MAD1L1: variants seen among roughly 807,000 people sequenced by gnomAD.
MAD1L1 encodes the protein mitotic arrest deficient 1 like 1.
A neutral mutation model predicts 96.9 loss-of-function variants in MAD1L1; 95 were observed. The observed-to-expected ratio is 0.98, with a 90% CI of 0.83 to 1.16. The LOEUF is 1.16. Ranked by LOEUF, MAD1L1 falls within the 50% of genes most tolerant of loss-of-function variation. The pLI is 0.00. For missense variants in MAD1L1, 1,007 were observed against 954.4 expected, an observed-to-expected ratio of 1.06 and a Z score of -0.73; for synonymous variants, 473 against 396.6, an observed-to-expected ratio of 1.19 and a Z score of -2.29.
At chr7:1,992,454 G>A (rs998692372) in intron 14 of MAD1L1, among the ~76,000 whole-genome samples, 3 of 152,174 alleles carry the variant, frequency 2.0e-5, no homozygotes, top group Non-Finnish European at 4.4e-5. Flanking sequence ...TGCAAGTAAC[G>A]GAAATGTGTA....
At chr7:1,947,751 G>A (rs552818209) in intron 16 of MAD1L1, among the ~76,000 whole-genome samples, 10 of 152,360 alleles carry the variant, frequency 6.6e-5, no homozygotes, top group East Asian at 3.9e-4. Context: ...AAGCCCAGGC[G>A]AGGGTCACAC....
At chr7:1,929,663 G>A (rs1445763499) in intron 17 of MAD1L1, among the ~76,000 whole-genome samples, 2 of 151,700 alleles carry the variant, frequency 1.3e-5, no homozygotes, top group South Asian at 2.1e-4. Context: ...TGGGGAAGCC[G>A]TGGCAAACAC....
chr7:2,140,368 C>T (rs890148808), intron 11 of MAD1L1, among the ~76,000 whole-genome samples: 8 of 152,336 alleles, frequency 5.3e-5, no homozygotes, highest in African/African-American at 1.7e-4. Flanking sequence ...TGAAGGGTGC[C>T]GGTGCCACCC....
chr7:1,832,723 C>T (rs1440754541), intron 18 of MAD1L1, among the ~76,000 whole-genome samples: 5 of 98,586 alleles, frequency 5.1e-5, no homozygotes, highest in African/African-American at 1.9e-4. Flanking sequence ...CCTCCACCTC[C>T]CAGGTTCAAG....
chr7:2,139,371 C>T (rs1034039417), intron 11 of MAD1L1, among the ~76,000 whole-genome samples: 6 of 151,944 alleles, frequency 3.9e-5, no homozygotes, highest in East Asian at 3.9e-4. Flanking sequence ...AAGGCGGGAG[C>T]GCTGCGGGCC....
intron 10 of MAD1L1, among the ~76,000 whole-genome samples, chr7:2,161,663 C>T (rs10252861): frequency 0.15 from 22,363 of 151,118 alleles, 1,812 homozygotes; most frequent in Middle Eastern, 0.29. Flanking sequence ...AAGTGAGGAG[C>T]GTCTCTGCCC....
rs556038778 is a variant in MAD1L1, at chr7:2,095,485, G to A, written c.1074-26147C>T. On this transcript the variant is annotated intron_variant, in intron 11 of 18. Coordinates refer to ENST00000265854, the MANE Select transcript of MAD1L1 (RefSeq NM_001013836.2). ...TGCAAAGCAGCCTGAGTGGGTTAGC[G>A]CGGCTCCCAGGCTGCAAACGGAGAT... 2.6e-4 allele frequency among the ~76,000 whole-genome samples: 40 copies of A among 152,338 alleles called. No individual in the cohort carries two copies. The South Asian group carries it at 3.1e-3, about 12-fold the overall frequency.
intron 14 of MAD1L1, among the ~76,000 whole-genome samples, chr7:1,989,845 GC>G (rs1247639339): frequency 1.3e-5 from 2 of 152,196 alleles, no homozygotes; most frequent in African/African-American, 4.8e-5. Context: ...TGGAGTACAG[GC>G]CTGGCCTACC....
intron 11 of MAD1L1, among the ~76,000 whole-genome samples, chr7:2,099,408 CCTT>C (rs1786665020): frequency 6.6e-6 from 1 of 152,236 alleles, no homozygotes; most frequent in Admixed American, 6.5e-5. Context: ...TCTCTCGCTG[CCTT>C]CTTTTGTGCA....
At position 2,142,176 on chromosome 7, in the gene MAD1L1, A is replaced by G. The variant is rs1312982500; in HGVS notation, c.1073+6976T>C. On this transcript the variant is annotated intron_variant, in intron 11 of 18. Transcript: ENST00000265854. This position sits in a 1 kb window ranked among gnomAD's most constrained non-coding sequence, Gnocchi z 4.7. Reference sequence around the variant, plus strand: ...CAGACAGACAACTGACTCACGAGAGAGACGGCTTTTCAAAGGGCCCACACT... The same window carrying G: ...CAGACAGACAACTGACTCACGAGAGGGACGGCTTTTCAAAGGGCCCACACT... Among the ~76,000 whole-genome samples, 5 of 152,180 alleles carry G rather than the reference A, an allele frequency of 3.3e-5. No homozygotes were observed. Among genetic ancestry groups the G allele is most frequent in the Non-Finnish European group, 2.9e-5 (2 of 68,018 alleles).
chr7:2,133,336 C>T (rs1298944105), intron 11 of MAD1L1, among the ~76,000 whole-genome samples: 2 of 152,140 alleles, frequency 1.3e-5, no homozygotes, highest in South Asian at 4.1e-4. Flanking sequence ...CTCCGTCACC[C>T]GCGTGTCTGC....
At chr7:1,817,759 C>G (rs1781897550) in intron 18 of MAD1L1, among the ~76,000 whole-genome samples, 1 of 152,056 alleles carries the variant, frequency 6.6e-6, no homozygotes, top group Non-Finnish European at 1.5e-5. Context: ...GCTCCCTCCG[C>G]CCGGCAGCCC....
intron 15 of MAD1L1, among the ~76,000 whole-genome samples, chr7:1,976,604 G>A (rs1263951076): frequency 1.3e-5 from 2 of 152,220 alleles, no homozygotes; most frequent in African/African-American, 4.8e-5. Flanking sequence ...AGCGTGGAAG[G>A]GGACCCCAGC....
In MAD1L1 at chr7:2,168,634, G is replaced by A. The variant is rs541295606; in HGVS notation, c.987-19396C>T. 1.5e-3 allele frequency among the ~76,000 whole-genome samples: 232 copies of A among 152,342 alleles called. 1 individual carries two copies. The highest frequency in any genetic ancestry group is 5.0e-3 in the African/African-American group (209 of 41,574). Reference sequence around the variant, plus strand: ...GATTCTCCTTCAGCAAACAAAAATCGCCTAAGAATCTCTTCCTTCTGATGA... The same window carrying A: ...GATTCTCCTTCAGCAAACAAAAATCACCTAAGAATCTCTTCCTTCTGATGA... On this transcript the variant is annotated intron_variant, in intron 10 of 18. Coordinates refer to ENST00000265854, the MANE Select transcript of MAD1L1 (RefSeq NM_001013836.2).
intron 17 of MAD1L1, among the ~76,000 whole-genome samples, chr7:1,920,932 G>A (rs1469864271): frequency 3.9e-5 from 6 of 152,248 alleles, no homozygotes; most frequent in Non-Finnish European, 5.9e-5. Context: ...AGAAAAGGGT[G>A]CAGATTCATG....
chr7:2,229,147 G>A (rs1251938793), intron 3 of MAD1L1, among the ~76,000 whole-genome samples: 1 of 152,240 alleles, frequency 6.6e-6, no homozygotes, highest in Non-Finnish European at 1.5e-5. Context: ...TGAGAGCGCA[G>A]GAAGCCAGAG....
intron 14 of MAD1L1, among the ~76,000 whole-genome samples, chr7:1,982,154 A>C (rs1780935296): frequency 6.6e-6 from 1 of 152,028 alleles, no homozygotes; most frequent in Non-Finnish European, 1.5e-5. Flanking sequence ...AAGATGTCCT[A>C]CACATCATTT....
intron 13 of MAD1L1, among the ~76,000 whole-genome samples, chr7:2,004,188 C>T (rs759834584): frequency 6.6e-6 from 1 of 152,346 alleles, no homozygotes; most frequent in East Asian, 1.9e-4. Flanking sequence ...GCAGCCCAAA[C>T]AGGGGGGACG....
At chr7:2,163,464 C>G (rs1184394013) in intron 10 of MAD1L1, among the ~76,000 whole-genome samples, 1 of 152,178 alleles carries the variant, frequency 6.6e-6, no homozygotes, top group Non-Finnish European at 1.5e-5. Flanking sequence ...ACCTCTGCCC[C>G]CCCGGTTCAA....
Sources: allele counts gnomAD v4.1 joint callset (sites outside exome capture counted in the v4.1 genomes callset), GRCh38; gene constraint gnomAD v4.1.1; non-coding constraint Gnocchi (gnomAD v3.1); transcripts MANE v1.5; gene names NCBI Gene and HGNC (gene_info 2026-07-23, HGNC 2026-07-21).